The following DGAT2L6 variants were observed in gnomAD, a reference collection of about 807,000 sequenced individuals.
The protein encoded by DGAT2L6 is diacylglycerol O-acyltransferase 2-like protein 6.
Under a neutral mutation model 25.5 loss-of-function variants are expected in DGAT2L6, and 22 were observed. The observed-to-expected ratio is 0.86, with a 90% CI of 0.62 to 1.23. DGAT2L6 has a LOEUF of 1.23. DGAT2L6 is among the 50% of genes most tolerant of loss of function. DGAT2L6 has a pLI of 0.00. For missense variants in DGAT2L6, 287 were observed against 253.2 expected, an observed-to-expected ratio of 1.13 and a Z score of -0.91; for synonymous variants, 100 against 94.7, an observed-to-expected ratio of 1.06 and a Z score of -0.32.
At chrX:70,203,252 C>T (rs959442911) in intron 5 of DGAT2L6, among the ~76,000 whole-genome samples, 1 of 112,207 alleles carries the variant, frequency 8.9e-6, no homozygotes, top group African/African-American at 3.2e-5. Context: ...AAGTAAACTC[C>T]ACGAACACAG....
chrX:70,196,631 A>G (rs866025155), intron 1 of DGAT2L6, among the ~76,000 whole-genome samples: 1 of 77,545 alleles, frequency 1.3e-5, no homozygotes, highest in African/African-American at 9.5e-5. Context: ...AATCTATAAA[A>G]GAAAAAAAAT....
chrX:70,194,898 T>C (rs1387151423), intron 1 of DGAT2L6, among the ~76,000 whole-genome samples: 1 of 110,936 alleles, frequency 9.0e-6, no homozygotes, highest in Non-Finnish European at 1.9e-5. Flanking sequence ...CAGGAGTACC[T>C]CAAACTAAAA....
intron 1 of DGAT2L6, among the ~76,000 whole-genome samples, chrX:70,196,503 G>GAAAAAAAAAAAAAAAAAAA (rs1164024384): frequency 8.5e-5 from 6 of 70,577 alleles, no homozygotes; most frequent in African/African-American, 1.0e-4. Flanking sequence ...AAAAAAAAAA[G>GAAAAAAAAAAAAAAAAAAA]AAAGAAAAAA....
chrX:70,194,439 A>G (rs2085384741), intron 1 of DGAT2L6, among the ~76,000 whole-genome samples: 1 of 112,161 alleles, frequency 8.9e-6, no homozygotes, highest in Non-Finnish European at 1.9e-5. Context: ...AGCCAAAGTA[A>G]TCTTGAGAAA....
intron 4 of DGAT2L6, 71 bp downstream of exon 4, chrX:70,200,530 A>G (rs947682514): frequency 3.1e-6 from 3 of 973,457 alleles, no homozygotes; most frequent in South Asian, 2.2e-5. Flanking sequence ...AGTCCTGACA[A>G]TCACTACCTG....
chrX:70,177,761 G>A (rs1387582066), intron 1 of DGAT2L6, 94 bp downstream of exon 1: 20 of 755,170 alleles, frequency 2.6e-5, no homozygotes, highest in African/African-American at 4.2e-5. Context: ...GATCATCTGG[G>A]TGATCTCCAC....
chrX:70,198,646 G>A (rs1286951698), intron 1 of DGAT2L6, among the ~76,000 whole-genome samples: 9 of 111,359 alleles, frequency 8.1e-5, no homozygotes, highest in Non-Finnish European at 9.4e-5. Context: ...GGGTTCAAGC[G>A]ATTCTCCTGC....
rs2085425356 is a variant in DGAT2L6 at position 70,205,264 on chromosome X, G to A, written c.*158G>A. ...TTAATAAATCAGAGTTCTAGCAATA[G>A]AGTCCTCTCCCAAGTGGCTGAGGCA... On this transcript the variant is annotated 3_prime_UTR_variant, in exon 7 of 7. Transcript: ENST00000333026. 6.1e-6 allele frequency: 4 copies of A among 659,840 alleles called. No homozygotes were observed. Among genetic ancestry groups the A allele is most frequent in the Non-Finnish European group, 6.2e-6 (3 of 486,769 alleles). The allele number at this position is 659,840 out of a possible 1,213,427, so 54.4% of individuals were successfully genotyped here.
At chrX:70,201,535 GTGT>G (rs762137229) in intron 4 of DGAT2L6, among the ~76,000 whole-genome samples, 36 of 111,222 alleles carry the variant, frequency 3.2e-4, no homozygotes, top group African/African-American at 1.1e-3. Flanking sequence ...AGGATCTCCA[GTGT>G]TGTCAGGCTG....
chrX:70,180,312 G>C (rs942943690), intron 1 of DGAT2L6, among the ~76,000 whole-genome samples: 2 of 110,476 alleles, frequency 1.8e-5, no homozygotes, highest in African/African-American at 6.6e-5. Flanking sequence ...AGCTGTGTGT[G>C]GTGGCGCGTG....
At chrX:70,193,036 C>T (rs762900178) in intron 1 of DGAT2L6, among the ~76,000 whole-genome samples, 8 of 111,141 alleles carry the variant, frequency 7.2e-5, no homozygotes, top group Non-Finnish European at 1.5e-4. Flanking sequence ...GAAATTTAAT[C>T]GATAATCAAA....
chrX:70,183,465 C>A (rs890869119), intron 1 of DGAT2L6, among the ~76,000 whole-genome samples: 1 of 112,020 alleles, frequency 8.9e-6, no homozygotes, highest in African/African-American at 3.2e-5. Context: ...ACTATATCGC[C>A]TCTGAAAGTC....
At chrX:70,192,628 C>T (rs1449923495) in intron 1 of DGAT2L6, among the ~76,000 whole-genome samples, 2 of 111,478 alleles carry the variant, frequency 1.8e-5, no homozygotes, top group African/African-American at 6.5e-5. Context: ...CATACCAAAA[C>T]TTATAGAATG....
In DGAT2L6 at chrX:70,200,375, A is replaced by C; in HGVS notation, c.388A>C (p.Ile130Leu). Residue 130 changes from isoleucine to leucine, a missense_variant, in exon 4 of 7, where the codon ATT (isoleucine) becomes CTT (leucine). By Grantham distance (5) the Ile-to-Leu change is conservative (BLOSUM62 2). Transcript: ENST00000333026. Reference sequence around the variant, plus strand: ...CACTGAGGCCACTGGCATTGCTCGGATTTTCCCATCCATCACTCCCTTTGT... The same window carrying C: ...CACTGAGGCCACTGGCATTGCTCGGCTTTTCCCATCCATCACTCCCTTTGT... ...FATEATGIARIFPSITPFVGT... is the reference protein window; with the variant it reads ...FATEATGIARLFPSITPFVGT... 8.3e-7 allele frequency: 1 copy of C among 1,211,657 alleles called. No homozygotes were observed. The highest frequency in any genetic ancestry group is 1.1e-6 in the Non-Finnish European group (1 of 895,473).
intron 1 of DGAT2L6, among the ~76,000 whole-genome samples, chrX:70,181,249 A>G (rs760273946): frequency 5.4e-5 from 6 of 112,131 alleles, no homozygotes; most frequent in South Asian, 3.7e-4. Context: ...AGCCATCCCA[A>G]TGGGTGTGAG....
intron 1 of DGAT2L6, among the ~76,000 whole-genome samples, chrX:70,191,587 A>G (rs1048611792): frequency 8.9e-6 from 1 of 112,041 alleles, no homozygotes; most frequent in Non-Finnish European, 1.9e-5. Context: ...AGAAAAAGAG[A>G]GAGAAAGAAA....
At chrX:70,188,607 C>A (rs532287294) in intron 1 of DGAT2L6, among the ~76,000 whole-genome samples, 1 of 110,961 alleles carries the variant, frequency 9.0e-6, no homozygotes, top group African/African-American at 3.3e-5. Context: ...GAGAAAGGAA[C>A]ATTTCCCAAC....
chrX:70,180,707 C>T (rs1447837275), intron 1 of DGAT2L6, among the ~76,000 whole-genome samples: 1 of 111,465 alleles, frequency 9.0e-6, no homozygotes, highest in Non-Finnish European at 1.9e-5. Context: ...CTAATTCCCC[C>T]TCCCTCCAGC....
chrX:70,204,200 G>A, intron 5 of DGAT2L6, 105 bp from the exon 6 acceptor site: 1 of 627,452 alleles, frequency 1.6e-6, no homozygotes, highest in Non-Finnish European at 2.5e-6. Context: ...TGGGTGCTTG[G>A]GTTCTTGTCC....
Sources: allele counts gnomAD v4.1 joint callset (sites outside exome capture counted in the v4.1 genomes callset), GRCh38; gene constraint gnomAD v4.1.1; transcripts MANE v1.5; gene names NCBI Gene and HGNC (gene_info 2026-07-23, HGNC 2026-07-21).